SLC12A5: variants seen among roughly 807,000 people sequenced by gnomAD.
SLC12A5 encodes solute carrier family 12 member 5, also known as K-Cl cotransporter 2.
Under a neutral mutation model 124.0 loss-of-function variants are expected in SLC12A5, and 18 were observed. The observed-to-expected ratio is 0.15, with a 90% CI of 0.10 to 0.22. SLC12A5 has a LOEUF of 0.22. Among genes scored for constraint, SLC12A5 ranks in the 10% least tolerant of loss-of-function variants. SLC12A5 has a pLI of 1.00. For missense variants in SLC12A5, 867 were observed against 1,478.7 expected (o/e 0.59, Z 6.78); for synonymous variants, 589 against 568.0 (o/e 1.04, Z -0.53).
In SLC12A5 at chr20:46,046,007, G is replaced by A; in HGVS notation, c.1688+11G>A. On this transcript the variant is annotated intron_variant, in intron 13 of 25. Coordinates refer to ENST00000243964, the MANE Select transcript of SLC12A5 (RefSeq NM_020708.5). ...CCCCATCCTCTCTATGTGCGTGCCT[G>A]ACTTCTTGCCCTCCCCCCTGGTTCA... The A allele has an allele frequency of 6.2e-7, 1 of 1,610,388 alleles. No homozygotes were observed. Among genetic ancestry groups the A allele is most frequent in the Non-Finnish European group, 8.5e-7 (1 of 1,176,704 alleles).
Position 46,053,691 on chromosome 20 carries a change from G to A in SLC12A5, c.2661G>A (p.Glu887=). Residue 887 remains glutamate, a synonymous_variant, in exon 20 of 26, where the codon GAG becomes GAA. Transcript: ENST00000243964. The surrounding 1 kb of genome is among the most constrained non-coding windows in gnomAD (Gnocchi z 4.7). ...TFLYHLRITA[E]VEVVEMHESD... The stretch of plus-strand genomic sequence containing the variant: ...TGTATCATTTACGCATCACTGCGGA[G>A]GTCGAGGTGGTGGAGATGGTGAGTC... 3 of 1,597,578 alleles carry A rather than the reference G, an allele frequency of 1.9e-6. No homozygotes were observed. The highest frequency in any genetic ancestry group is 1.7e-6 in the Non-Finnish European group (2 of 1,168,710).
Position 46,057,112 on chromosome 20 carries a change from CTCCAATCTTCTCTA to C in SLC12A5, c.3126-57_3126-44del. 2 of 1,608,800 alleles carry C rather than the reference CTCCAATCTTCTCTA, an allele frequency of 1.2e-6. No homozygotes were observed. Among genetic ancestry groups the C allele is most frequent in the Admixed American group, 3.3e-5 (2 of 59,912 alleles). ...CAGTTCGGGCTGGAAGGGCGACTGGCTCCAATCTTCTCTACCCCCCCGGCTCACGCGGTCTCCAC... is the reference window on the plus strand; with the variant it reads ...CAGTTCGGGCTGGAAGGGCGACTGGCCCCCCCCGGCTCACGCGGTCTCCAC... On this transcript the variant is annotated intron_variant, in intron 24 of 25. Transcript: ENST00000243964. The surrounding 1 kb of genome is among the most constrained non-coding windows in gnomAD (Gnocchi z 7.1).
intron 5 of SLC12A5, 137 bp downstream of exon 5, chr20:46,036,932 C>A: frequency 4.3e-6 from 5 of 1,159,540 alleles, no homozygotes; most frequent in Non-Finnish European, 5.0e-6. Flanking sequence ...GTTTTCAGCC[C>A]TATTGGGGGC....
At position 46,045,177 on chromosome 20, in the gene SLC12A5, C is replaced by A. The variant is rs765996960; in HGVS notation, c.1569+37C>A. The A allele has an allele frequency of 6.6e-7, 1 of 1,526,086 alleles. No individual in the cohort carries two copies. The allele number at this position is 1,526,086 out of a possible 1,614,324, so 94.5% of individuals were successfully genotyped here. ...AGAAGAACAGCCCACCCTCAGTAGA[C>A]CAGCCAGGCCCCTGCCCAGAGAGAC... On this transcript the variant is annotated intron_variant, in intron 12 of 25. Transcript: ENST00000243964. This position sits in a 1 kb window ranked among gnomAD's most constrained non-coding sequence, Gnocchi z 4.9.
At chr20:46,051,964 T>G in intron 18 of SLC12A5, 94 bp downstream of exon 18, 1 of 1,115,650 alleles carries the variant, frequency 9.0e-7, no homozygotes, top group Non-Finnish European at 1.2e-6. Context: ...CCTGAGGGGT[T>G]TCCCAAGCAC....
intron 1 of SLC12A5, chr20:46,021,936 G>T: frequency 6.8e-7 from 1 of 1,462,256 alleles, no homozygotes; most frequent in African/African-American, 1.5e-5. Flanking sequence ...GGACGAGGGG[G>T]AGGGGCCGGG....
Position 46,057,177 on chromosome 20 carries a change from T to G in SLC12A5, c.3133T>G (p.Ser1045Ala), listed in dbSNP as rs745381525. 1 of 1,614,104 alleles carries G rather than the reference T, an allele frequency of 6.2e-7. No homozygotes were observed. Among genetic ancestry groups the G allele is most frequent in the Admixed American group, 1.7e-5 (1 of 60,024 alleles). The change falls in exon 25 of 26, where the codon TCC becomes GCC. Residue 1045 changes from serine (S) to alanine (A), a missense_variant. Transcript: ENST00000243964. The surrounding 1 kb of genome is among the most constrained non-coding windows in gnomAD (Gnocchi z 7.1). The stretch of plus-strand genomic sequence containing the variant: ...TCCTCCTTCCTGCCGCAGGAACCAG[T>G]CCAACGTGCGGCGCATGCACACGGC... ...MKPEWENLNQSNVRRMHTAVR... is the reference protein window; with the variant it reads ...MKPEWENLNQANVRRMHTAVR...
Position 46,043,843 on chromosome 20 carries a change from A to G in SLC12A5, c.1337-33A>G, listed in dbSNP as rs756074012. The G allele has an allele frequency of 8.6e-5, 139 of 1,613,526 alleles. No individual in the cohort carries two copies. The Admixed American group carries it at 2.3e-3, about 26-fold the overall frequency. On this transcript the variant is annotated intron_variant, in intron 10 of 25. Transcript: ENST00000243964. ...GAAGGGTGGGGAGGGGGAGGACTGAACCGTGGGGATTCTCCTTTATCCTCT... is the reference window on the plus strand; with the variant it reads ...GAAGGGTGGGGAGGGGGAGGACTGAGCCGTGGGGATTCTCCTTTATCCTCT...
rs769820337 is a variant in SLC12A5, at chr20:46,051,868, T to C, written c.2375T>C (p.Ile792Thr). The part of the protein sequence containing the change: ...KEDHQTWRNF[I>T]ELVRETTAGH... ...GATCATCAGACGTGGAGGAACTTCATTGGTAACGCTATTGGGGGCTGGGGA... is the reference window on the plus strand; with the variant it reads ...GATCATCAGACGTGGAGGAACTTCACTGGTAACGCTATTGGGGGCTGGGGA... The change falls in exon 18 of 26, where the codon ATT (isoleucine) becomes ACT (threonine). Residue 792 changes from isoleucine to threonine, a missense_variant and splice_region_variant. Transcript: ENST00000243964. The C allele has an allele frequency of 4.5e-6, 7 of 1,556,384 alleles. No homozygotes were observed. Among genetic ancestry groups the C allele is most frequent in the Non-Finnish European group, 6.0e-6 (7 of 1,157,064 alleles).
rs1212881804 is a variant in SLC12A5 at position 46,056,423 on chromosome 20, G to C, written c.2969G>C (p.Gly990Ala). The C allele has an allele frequency of 1.2e-6, 2 of 1,613,976 alleles. No homozygotes were observed. Among genetic ancestry groups the C allele is most frequent in the Non-Finnish European group, 1.7e-6 (2 of 1,179,894 alleles). The change falls in exon 23 of 26, where the codon GGG (glycine) becomes GCG (alanine). Residue 990 changes from glycine (G) to alanine (A), a missense_variant. Gly to Ala is a moderately conservative substitution (Grantham distance 60, BLOSUM62 0). Around this residue, in one of 9 missense-constraint regions of SLC12A5, gnomAD observed 180 missense variants for 243.6 expected, o/e 0.74. Transcript: ENST00000243964. The surrounding 1 kb of genome is among the most constrained non-coding windows in gnomAD (Gnocchi z 4.3). ...TGCCCCAGCAGCTCCCCGTCCCCAG[G>C]GGAGGAGCCTGAGGGGGAAGGGGAG... Reference protein sequence around the residue: ...PSCPSSSPSPGEEPEGEGETD... With the variant: ...PSCPSSSPSPAEEPEGEGETD...
At chr20:46,040,330 G>C in intron 6 of SLC12A5, 43 bp from the exon 7 acceptor site, 1 of 1,607,302 alleles carries the variant, frequency 6.2e-7, no homozygotes, top group South Asian at 1.1e-5. Flanking sequence ...AGTGCAAAGG[G>C]CTGCTGACTT....
At chr20:46,043,422 C>T (rs1283688054) in intron 9 of SLC12A5, 99 bp downstream of exon 9, 1 of 1,443,482 alleles carries the variant, frequency 6.9e-7, no homozygotes, top group Non-Finnish European at 9.5e-7. Flanking sequence ...AAAACCCCAT[C>T]ATGAAAGCAA....
In SLC12A5 at chr20:46,047,474, T is replaced by C; in HGVS notation, c.1808T>C (p.Met603Thr). The part of the protein sequence containing the change: ...YYHWTLSFLG[M>T]SLCLALMFIC... ...TCTAGGACCCTCTCCTTCCTGGGCA[T>C]GAGCCTCTGCCTGGCCCTCATGTTC... Residue 603 changes from methionine (M) to threonine (T), a missense_variant, in exon 15 of 26, where the codon ATG becomes ACG. Physicochemically the swap from Met to Thr is moderately conservative, Grantham distance 81. Coordinates refer to ENST00000243964, the MANE Select transcript of SLC12A5 (RefSeq NM_020708.5). 1 of 1,614,100 alleles carries C rather than the reference T, an allele frequency of 6.2e-7. No homozygotes were observed. The highest frequency in any genetic ancestry group is 8.5e-7 in the Non-Finnish European group (1 of 1,179,948).
chr20:46,035,577 ATGGGGGG>A, intron 3 of SLC12A5, 42 bp downstream of exon 3: 2 of 518,558 alleles, frequency 3.9e-6, no homozygotes, highest in Non-Finnish European at 7.1e-6. Context: ...AAAGGGACGG[ATGGGGGG>A]TGGGGGAGGA....
chr20:46,055,114 C>A, intron 21 of SLC12A5, 91 bp downstream of exon 21: 1 of 854,122 alleles, frequency 1.2e-6, no homozygotes, highest in Non-Finnish European at 1.9e-6. Flanking sequence ...ACACTCCTGG[C>A]ATTTCAACTT....
chr20:46,041,929 G>A (rs565377201), intron 8 of SLC12A5, among the ~76,000 whole-genome samples: 4 of 152,290 alleles, frequency 2.6e-5, no homozygotes, highest in East Asian at 1.9e-4. Context: ...GAATGCCCGG[G>A]GGGGGAGAGT....
Position 46,041,364 on chromosome 20 carries a change from A to G in SLC12A5, c.890A>G (p.His297Arg). 1.2e-6 allele frequency: 2 copies of G among 1,614,082 alleles called. No homozygotes were observed. The highest frequency in any genetic ancestry group is 1.7e-6 in the Non-Finnish European group (2 of 1,180,004). Residue 297 changes from histidine (H) to arginine (R), a missense_variant, in exon 8 of 26, where the codon CAT becomes CGT. His to Arg is a conservative substitution (Grantham distance 29). Transcript: ENST00000243964. ...CTGGGTAACCGCACGCTGTCTCGCC[A>G]TGGCTTTGATGTCTGTGCCAAGCTG... is the stretch of plus-strand genomic sequence containing the variant. ...CLLGNRTLSR[H>R]GFDVCAKLAW... is the part of the protein sequence containing the mutation.
chr20:46,024,039 C>T (rs865907794), downstream of SLC12A5, among the ~76,000 whole-genome samples: 2 of 152,192 alleles, frequency 1.3e-5, no homozygotes, highest in Middle Eastern at 3.4e-3. Flanking sequence ...TCTCAGATGC[C>T]GGTACTCACA....
At chr20:46,050,921 G>A (rs2084641076) in intron 17 of SLC12A5, among the ~76,000 whole-genome samples, 1 of 152,210 alleles carries the variant, frequency 6.6e-6, no homozygotes, top group African/African-American at 2.4e-5. Context: ...ATGATGACAT[G>A]TGGTTCTCCC....
Sources: allele counts gnomAD v4.1 joint callset (sites outside exome capture counted in the v4.1 genomes callset), GRCh38; gene constraint gnomAD v4.1.1; regional missense constraint gnomAD v4.1.1; non-coding constraint Gnocchi (gnomAD v3.1); transcripts MANE v1.5; gene names NCBI Gene and HGNC (gene_info 2026-07-23, HGNC 2026-07-21).